Variants in NAV3 observed in about 807,000 individuals in gnomAD.
NAV3 encodes pore membrane and/or filament interacting like protein 1.
In NAV3, 87 loss-of-function variants were observed where a neutral mutation model predicts 244.7. The ratio of observed to expected loss-of-function variants is 0.36; its 90% CI spans 0.30 to 0.42. The LOEUF is 0.42. Among genes scored for constraint, NAV3 ranks in the 20% least tolerant of loss-of-function variants. The pLI, the probability that NAV3 is intolerant of heterozygous loss-of-function variation, is 1.00. For missense variants in NAV3, 2,663 were observed against 2,893.3 expected, an observed-to-expected ratio of 0.92 and a Z score of 1.83; for synonymous variants, 1,126 against 1,042.2, an observed-to-expected ratio of 1.08 and a Z score of -1.55.
chr12:78,101,950 ATTAT>A (rs1954556737), intron 12 of NAV3, among the ~76,000 whole-genome samples: 1 of 152,194 alleles, frequency 6.6e-6, no homozygotes, highest in African/African-American at 2.4e-5. Context: ...CTTTCTTGGT[ATTAT>A]TTAAATTACC....
intron 23 of NAV3, among the ~76,000 whole-genome samples, chr12:78,162,647 T>C (rs1957592402): frequency 6.6e-6 from 1 of 151,166 alleles, no homozygotes; most frequent in Admixed American, 6.6e-5. Flanking sequence ...GTGGACTCCC[T>C]GAGATCAGGA....
In NAV3 at chr12:77,733,531, AC is replaced by A. The variant is rs1565791032; in HGVS notation, c.72+161267del. Among the ~76,000 whole-genome samples, 7 of 152,160 alleles carry A rather than the reference AC, an allele frequency of 4.6e-5. No homozygotes were observed. The South Asian group carries it at 1.5e-3, about 32-fold the overall frequency. ...CCTGTATAAATTGGAAATGGTTGCA[AC>A]CATCTCAGAGAGATACAGCAGAGTT... On this transcript the variant is annotated intron_variant, in intron 2 of 8. Coordinates refer to the NAV3 transcript ENST00000550042.
intron 7 of NAV3, among the ~76,000 whole-genome samples, chr12:78,001,815 T>C (rs1593245128): frequency 6.6e-6 from 1 of 152,206 alleles, no homozygotes; most frequent in South Asian, 2.1e-4. Context: ...CGGAAACATA[T>C]TTCTCAGAAC....
intron 2 of NAV3, among the ~76,000 whole-genome samples, chr12:77,774,132 T>C (rs546133600): frequency 4.6e-5 from 7 of 152,320 alleles, no homozygotes; most frequent in Admixed American, 4.6e-4. Context: ...AGTTTATAGT[T>C]GTGAATTTTA....
intron 2 of NAV3, among the ~76,000 whole-genome samples, chr12:77,641,863 A>G (rs1872427750): frequency 6.6e-6 from 1 of 152,122 alleles, no homozygotes; most frequent in Non-Finnish European, 1.5e-5. Context: ...ATTTCCAAGT[A>G]TATGCTCGGG....
chr12:78,014,840 G>C (rs1245945188), intron 8 of NAV3, among the ~76,000 whole-genome samples: 1 of 152,088 alleles, frequency 6.6e-6, no homozygotes, highest in African/African-American at 2.4e-5. Flanking sequence ...ATATACCACA[G>C]TAATGGTTTT....
At chr12:78,190,982 AG>A (rs1958950972) in intron 34 of NAV3, among the ~76,000 whole-genome samples, 1 of 152,172 alleles carries the variant, frequency 6.6e-6, no homozygotes, top group Non-Finnish European at 1.5e-5. Context: ...GAAACCTAAA[AG>A]TTTCTGTCGG....
chr12:78,043,603 G>A (rs892520764), intron 9 of NAV3, among the ~76,000 whole-genome samples: 1 of 152,006 alleles, frequency 6.6e-6, no homozygotes, highest in Non-Finnish European at 1.5e-5. Flanking sequence ...GTTGTTTCTT[G>A]ACTTTTTAAT....
At chr12:77,836,828 C>T (rs546572592) in intron 1 of NAV3, among the ~76,000 whole-genome samples, 3 of 152,100 alleles carry the variant, frequency 2.0e-5, no homozygotes, top group African/African-American at 7.2e-5. Flanking sequence ...TGGGGCAATC[C>T]AAAGAAATTT....
chr12:77,718,036 C>T (rs1189161462), intron 2 of NAV3, among the ~76,000 whole-genome samples: 2 of 152,052 alleles, frequency 1.3e-5, no homozygotes, highest in African/African-American at 4.8e-5. Context: ...TGCCTTTTTA[C>T]TCTGTTGATT....
At position 78,096,659 on chromosome 12, in the gene NAV3, C is replaced by A. The variant is rs575733095; in HGVS notation, c.2637-20113C>A. On this transcript the variant is annotated intron_variant, in intron 12 of 39. Transcript: ENST00000397909. Reference sequence around the variant, plus strand: ...ATCTTGTGAGACTTGTTCACTATTACAAGAACAACAGACAGGAAAACCCGC... The same window carrying A: ...ATCTTGTGAGACTTGTTCACTATTAAAAGAACAACAGACAGGAAAACCCGC... 1.1e-4 allele frequency among the ~76,000 whole-genome samples: 16 copies of A among 152,208 alleles called. No homozygotes were observed. In the South Asian group the frequency reaches 2.9e-3, roughly 28 times the overall value.
At chr12:77,854,214 A>G (rs2136274550) in intron 1 of NAV3, among the ~76,000 whole-genome samples, 1 of 152,306 alleles carries the variant, frequency 6.6e-6, no homozygotes, top group Admixed American at 6.5e-5. Context: ...GCAATAGCCT[A>G]CATGATGTTT....
intron 2 of NAV3, among the ~76,000 whole-genome samples, chr12:77,801,820 T>G (rs1251520297): frequency 6.6e-6 from 1 of 152,200 alleles, no homozygotes; most frequent in African/African-American, 2.4e-5. Context: ...TGCCTGTAAC[T>G]GACTTGGTAC....
intron 12 of NAV3, among the ~76,000 whole-genome samples, chr12:78,063,504 T>C (rs749586946): frequency 1.5e-4 from 23 of 152,134 alleles, no homozygotes; most frequent in Non-Finnish European, 1.6e-4. Context: ...AAATATATGA[T>C]TACTTCCTAA....
At chr12:78,066,441 C>A (rs756256624) in intron 12 of NAV3, among the ~76,000 whole-genome samples, 1 of 151,956 alleles carries the variant, frequency 6.6e-6, no homozygotes, top group Non-Finnish European at 1.5e-5. Flanking sequence ...ATGATTCATC[C>A]AGGTAGCTAT....
At chr12:77,630,046 G>T (rs1430034153) in intron 2 of NAV3, among the ~76,000 whole-genome samples, 1 of 152,184 alleles carries the variant, frequency 6.6e-6, no homozygotes, top group African/African-American at 2.4e-5. Flanking sequence ...CAGTCCCATG[G>T]ATTTAACTTA....
chr12:77,767,585 G>T (rs1406938399), intron 2 of NAV3, among the ~76,000 whole-genome samples: 2 of 152,220 alleles, frequency 1.3e-5, no homozygotes, highest in Non-Finnish European at 2.9e-5. Context: ...AGCCACTGTG[G>T]TGGGGCGGGC....
intron 1 of NAV3, among the ~76,000 whole-genome samples, chr12:77,929,038 CTGTT>C (rs1888512280): frequency 6.6e-6 from 1 of 152,122 alleles, no homozygotes; most frequent in Admixed American, 6.5e-5. Flanking sequence ...GGTGAATTCT[CTGTT>C]TGGGTAGGAA....
At chr12:77,586,030 C>T (rs917639660) in intron 2 of NAV3, among the ~76,000 whole-genome samples, 8 of 152,008 alleles carry the variant, frequency 5.3e-5, no homozygotes, top group South Asian at 2.1e-4. Flanking sequence ...GGCGTGGTGG[C>T]GGGTGCCTGT....
Sources: allele counts gnomAD v4.1 joint callset (sites outside exome capture counted in the v4.1 genomes callset), GRCh38; gene constraint gnomAD v4.1.1; transcripts MANE v1.5; gene names NCBI Gene and HGNC (gene_info 2026-07-23, HGNC 2026-07-21).